DUSP16: variants seen among roughly 807,000 people sequenced by gnomAD.
The protein encoded by DUSP16 is dual specificity phosphatase 16.
DUSP16 carries 21 observed loss-of-function variants against 58.3 expected under a neutral mutation model. The ratio of observed to expected loss-of-function variants is 0.36; its 90% CI spans 0.26 to 0.52. DUSP16 has a LOEUF of 0.52. Ranked by LOEUF, DUSP16 falls within the 20% of genes least tolerant of loss-of-function variation. The pLI, the probability that DUSP16 is intolerant of heterozygous loss-of-function variation, is 0.94. For missense variants in DUSP16, 726 were observed against 819.0 expected, an observed-to-expected ratio of 0.89 and a Z score of 1.39; for synonymous variants, 320 against 323.8, an observed-to-expected ratio of 0.99 and a Z score of 0.12.
intron 3 of DUSP16, among the ~76,000 whole-genome samples, chr12:12,502,735 G>C (rs1039288907): frequency 6.6e-6 from 1 of 151,994 alleles, no homozygotes. Flanking sequence ...ATTTTTAGTA[G>C]AGACGGGGTT....
At chr12:12,550,272 C>CA (rs35519025) in intron 1 of DUSP16, among the ~76,000 whole-genome samples, 2,739 of 97,334 alleles carry the variant, frequency 0.028, 91 homozygotes, top group African/African-American at 0.1. Context: ...GACTCCGTCT[C>CA]AAAAAAAAAA....
chr12:12,475,336 T>TATCA lies in DUSP16; in HGVS notation c.*1493_*1496dup, dbSNP rs1169049308. 13 of 151,676 alleles carry TATCA rather than the reference T, an allele frequency of 8.6e-5. No homozygotes were observed. The highest frequency in any genetic ancestry group is 2.6e-4 in the Admixed American group (4 of 15,234). 9.4% of individuals were successfully genotyped at this position (151,676 alleles called of 1,614,324 possible). On this transcript the variant is annotated 3_prime_UTR_variant, in exon 7 of 7. Transcript: ENST00000298573. Reference sequence around the variant, plus strand: ...AGGATGTTTGAAAGCCAATCTGCACTATCACTTGTTCCAGTGACCTCCTAT... The same window carrying TATCA: ...AGGATGTTTGAAAGCCAATCTGCACTATCAATCACTTGTTCCAGTGACCTCCTAT...
chr12:12,529,211 A>G (rs1213756192), intron 1 of DUSP16, among the ~76,000 whole-genome samples: 1 of 152,194 alleles, frequency 6.6e-6, no homozygotes, highest in Non-Finnish European at 1.5e-5. Context: ...TCCTGGGCTC[A>G]AGTGATCCTC....
chr12:12,520,546 C>T (rs1444121043), intron 2 of DUSP16, among the ~76,000 whole-genome samples: 2 of 152,068 alleles, frequency 1.3e-5, no homozygotes, highest in East Asian at 1.9e-4. Flanking sequence ...ACTTTCTTTC[C>T]AAAGAACTTG....
chr12:12,511,868 T>C (rs1196127697), intron 3 of DUSP16, among the ~76,000 whole-genome samples: 2 of 151,792 alleles, frequency 1.3e-5, no homozygotes. Flanking sequence ...ACCTGGTGTT[T>C]CTCTAGACTA....
intron 5 of DUSP16, among the ~76,000 whole-genome samples, chr12:12,485,108 C>T (rs1943656379): frequency 6.6e-6 from 1 of 150,474 alleles, no homozygotes; most frequent in South Asian, 2.1e-4. Flanking sequence ...CTCCTGGATT[C>T]AAGCAATTCT....
rs3055727 is a variant in DUSP16 at position 12,477,742 on chromosome 12, C to T, written c.1089G>A (p.Val363=). 2 of 1,542,494 alleles carry T rather than the reference C, an allele frequency of 1.3e-6. No homozygotes were observed. The highest frequency in any genetic ancestry group is 2.1e-5 in the Admixed American group (1 of 47,016). The change falls in exon 7 of 7, where the codon GTG becomes GTA. Residue 363 remains valine (V), a synonymous_variant. Coordinates refer to ENST00000298573, the MANE Select transcript of DUSP16 (RefSeq NM_030640.3). This position sits in a 1 kb window ranked among gnomAD's most constrained non-coding sequence, Gnocchi z 4.1. ...RPVHPASVPS[V]PSVQPSLLED... is the part of the protein sequence containing the mutation. ...CTAACAGCGACGGCTGCACGCTGGGCACGCTGGGCACGCTGGCGGGATGCA... is the reference window on the plus strand; with the variant it reads ...CTAACAGCGACGGCTGCACGCTGGGTACGCTGGGCACGCTGGCGGGATGCA...
intron 1 of DUSP16, among the ~76,000 whole-genome samples, chr12:12,554,162 A>C (rs1453888324): frequency 7.3e-6 from 1 of 136,440 alleles, no homozygotes; most frequent in African/African-American, 2.9e-5. Context: ...GCGCCACTGC[A>C]CTCCAACCTG....
Position 12,487,016 on chromosome 12 carries a change from T to G in DUSP16, c.691+12A>C. On this transcript the variant is annotated intron_variant, in intron 5 of 6. Coordinates refer to ENST00000298573, the MANE Select transcript of DUSP16 (RefSeq NM_030640.3). ...CACCCACAGGACCTGCAATATTATT[T>G]GAGCTACTTACCAATGAAATCTACT... is the stretch of plus-strand genomic sequence containing the variant. 6.2e-7 allele frequency: 1 copy of G among 1,613,550 alleles called. No individual in the cohort carries two copies. Among genetic ancestry groups the G allele is most frequent in the Non-Finnish European group, 8.5e-7 (1 of 1,179,592 alleles).
intron 1 of DUSP16, among the ~76,000 whole-genome samples, chr12:12,553,384 T>C (rs1944760148): frequency 6.6e-6 from 1 of 152,206 alleles, no homozygotes; most frequent in Non-Finnish European, 1.5e-5. Flanking sequence ...AATAAATTAC[T>C]TCATCTCTCT....
intron 1 of DUSP16, among the ~76,000 whole-genome samples, chr12:12,541,878 G>A (rs759650834): frequency 6.6e-6 from 1 of 151,254 alleles, no homozygotes; most frequent in Non-Finnish European, 1.5e-5. Flanking sequence ...AATGTTCACA[G>A]CAGATTTATA....
In DUSP16 at chr12:12,480,351, A is replaced by G. The variant is rs112572663; in HGVS notation, c.692-5T>C. 72 of 1,611,926 alleles carry G rather than the reference A, an allele frequency of 4.5e-5. No homozygotes were observed. The highest frequency in any genetic ancestry group is 8.0e-5 in the African/African-American group (6 of 74,850). ...CATTGGAGGCTTTTGCTTTCTCTGT[A>G]TAAGTCAAATGCAAGAAAGGTCACT... On this transcript the variant is annotated splice_polypyrimidine_tract_variant and splice_region_variant and intron_variant, in intron 5 of 6. Coordinates refer to ENST00000298573, the MANE Select transcript of DUSP16 (RefSeq NM_030640.3).
intron 1 of DUSP16, among the ~76,000 whole-genome samples, chr12:12,557,372 G>A (rs1944821594): frequency 2.0e-5 from 3 of 150,630 alleles, no homozygotes; most frequent in Admixed American, 1.3e-4. Flanking sequence ...AAGGGGAATC[G>A]CTTGAACCCG....
chr12:12,557,000 T>C (rs1004188508), intron 1 of DUSP16, among the ~76,000 whole-genome samples: 3 of 152,210 alleles, frequency 2.0e-5, no homozygotes, highest in Admixed American at 6.5e-5. Context: ...ATGGTGATTA[T>C]TGTTCCTAAC....
intron 5 of DUSP16, among the ~76,000 whole-genome samples, chr12:12,486,345 G>A (rs1943681392): frequency 6.6e-6 from 1 of 152,092 alleles, no homozygotes; most frequent in African/African-American, 2.4e-5. Context: ...ATCTGATCCT[G>A]TGGCACCAAA....
At chr12:12,549,789 T>G (rs1944699328) in intron 1 of DUSP16, among the ~76,000 whole-genome samples, 1 of 146,382 alleles carries the variant, frequency 6.8e-6, no homozygotes, top group Admixed American at 6.9e-5. Flanking sequence ...AAAAAAAAAA[T>G]AGGGAGAGCA....
chr12:12,503,620 G>A (rs1168824407), intron 3 of DUSP16, among the ~76,000 whole-genome samples: 1 of 152,178 alleles, frequency 6.6e-6, no homozygotes, highest in Non-Finnish European at 1.5e-5. Flanking sequence ...AGGAATGCCT[G>A]TAAGGTTAAC....
chr12:12,477,727 CGGCTGCA>C lies in DUSP16; in HGVS notation c.1097_1103del (p.Val366GlyfsTer4). On this transcript the variant is annotated frameshift_variant, in exon 7 of 7. Coordinates refer to ENST00000298573, the MANE Select transcript of DUSP16 (RefSeq NM_030640.3). LOFTEE classifies it high-confidence loss of function. The surrounding 1 kb of genome is among the most constrained non-coding windows in gnomAD (Gnocchi z 4.1). The stretch of plus-strand genomic sequence containing the variant: ...CCAGCGGGCTGTCCTCTAACAGCGA[CGGCTGCA>C]CGCTGGGCACGCTGGGCACGCTGGC... The C allele has an allele frequency of 6.2e-7, 1 of 1,610,196 alleles. No individual in the cohort carries two copies. The highest frequency in any genetic ancestry group is 2.3e-5 in the East Asian group (1 of 44,260).
intron 1 of DUSP16, among the ~76,000 whole-genome samples, chr12:12,546,369 T>G (rs1428004030): frequency 6.6e-6 from 1 of 152,252 alleles, no homozygotes; most frequent in Non-Finnish European, 1.5e-5. Context: ...GCAATGAAAC[T>G]GTCAGTGCTA....
Sources: allele counts gnomAD v4.1 joint callset (sites outside exome capture counted in the v4.1 genomes callset), GRCh38; gene constraint gnomAD v4.1.1; non-coding constraint Gnocchi (gnomAD v3.1); transcripts MANE v1.5; gene names NCBI Gene and HGNC (gene_info 2026-07-23, HGNC 2026-07-21).